Variants in TRAPPC13 observed in about 807,000 individuals in gnomAD.
TRAPPC13 encodes REV7-interacting novel NHEJ regulator 1.
In TRAPPC13, 39 loss-of-function variants were observed where a neutral mutation model predicts 54.0. The observed-to-expected ratio is 0.72, with a 90% CI of 0.56 to 0.94. TRAPPC13 has a LOEUF of 0.94. Ranked by LOEUF, TRAPPC13 falls within the 40% of genes least tolerant of loss-of-function variation. The pLI, the probability that TRAPPC13 is intolerant of heterozygous loss-of-function variation, is 0.00. For synonymous variants in TRAPPC13, 148 were observed against 167.7 expected, an observed-to-expected ratio of 0.88 and a Z score of 0.91; for missense variants, 386 against 488.1, an observed-to-expected ratio of 0.79 and a Z score of 1.97.
In TRAPPC13 at chr5:65,665,023, CA is replaced by C. The variant is rs34375720; in HGVS notation, c.*414del. The C allele has an allele frequency of 0.62, 116,303 of 187,220 alleles. 36,577 individuals are homozygous for C. Among genetic ancestry groups the C allele is most frequent in the South Asian group, 0.66 (6,939 of 10,516 alleles). 11.6% of individuals were successfully genotyped at this position (187,220 alleles called of 1,614,324 possible). On this transcript the variant is annotated 3_prime_UTR_variant, in exon 13 of 13. Transcript: ENST00000399438. ...AATACTGAACTCTGCCATCGTACTT[CA>C]AGAGCAGCCAGTAGGCAAAAAAAGT... is the stretch of plus-strand genomic sequence containing the variant.
intron 1 of TRAPPC13, among the ~76,000 whole-genome samples, chr5:65,626,487 C>G (rs570238391): frequency 1.3e-4 from 19 of 151,950 alleles, no homozygotes; most frequent in African/African-American, 4.3e-4. Flanking sequence ...CCCTGTAATC[C>G]CAGCAGTTTG....
At chr5:65,656,637 G>A (rs1287081658) in intron 8 of TRAPPC13, among the ~76,000 whole-genome samples, 3 of 152,116 alleles carry the variant, frequency 2.0e-5, no homozygotes, top group African/African-American at 7.2e-5. Flanking sequence ...GCCAGGCGCG[G>A]TGGCTCATGC....
chr5:65,661,919 C>G lies in TRAPPC13; in HGVS notation c.898-131C>G, dbSNP rs985920731. ...AAAATGAGAGACAAGTAAAGTGAAT[C>G]AGAAGTATTTTCTTAGAACATCAGC... On this transcript the variant is annotated intron_variant, in intron 10 of 12. Coordinates refer to ENST00000399438, the MANE Select transcript of TRAPPC13 (RefSeq NM_024941.4). The G allele has an allele frequency of 1.8e-5, 10 of 560,560 alleles. No individual in the cohort carries two copies. In the Admixed American group the frequency reaches 3.2e-4, roughly 18 times the overall value. The allele number at this position is 560,560 out of a possible 1,614,324, so 34.7% of individuals were successfully genotyped here.
In TRAPPC13 at chr5:65,660,683, T is replaced by A; in HGVS notation, c.699-16T>A. On this transcript the variant is annotated splice_polypyrimidine_tract_variant and intron_variant, in intron 9 of 12. Coordinates refer to ENST00000399438, the MANE Select transcript of TRAPPC13 (RefSeq NM_024941.4). ...TGCTAGAGAATTTTCTCCGTCTCTGTCTCCACCCCTCTCAGTGTGTCTACG... is the reference window on the plus strand; with the variant it reads ...TGCTAGAGAATTTTCTCCGTCTCTGACTCCACCCCTCTCAGTGTGTCTACG... 1 of 1,561,186 alleles carries A rather than the reference T, an allele frequency of 6.4e-7. No individual in the cohort carries two copies. Among genetic ancestry groups the A allele is most frequent in the Non-Finnish European group, 8.6e-7 (1 of 1,156,262 alleles).
At position 65,651,498 on chromosome 5, in the gene TRAPPC13, T is replaced by G. The variant is rs1445220951; in HGVS notation, c.501+616T>G. Reference sequence around the variant, plus strand: ...AATAATATCAAATTTCTAAAGAAATTTAAAGGAGAGACAATTGACTTAGAG... The same window carrying G: ...AATAATATCAAATTTCTAAAGAAATGTAAAGGAGAGACAATTGACTTAGAG... On this transcript the variant is annotated intron_variant, in intron 6 of 12. Coordinates refer to ENST00000399438, the MANE Select transcript of TRAPPC13 (RefSeq NM_024941.4). Among the ~76,000 whole-genome samples the G allele has an allele frequency of 2.6e-5, 4 of 152,302 alleles. No individual in the cohort carries two copies. In the East Asian group the frequency reaches 7.7e-4, roughly 29 times the overall value.
chr5:65,633,412 C>T (rs1009067718), intron 1 of TRAPPC13, among the ~76,000 whole-genome samples: 1 of 152,092 alleles, frequency 6.6e-6, no homozygotes. Flanking sequence ...CTGCGAGTAG[C>T]TGGGACTACA....
intron 7 of TRAPPC13, 142 bp from the exon 8 acceptor site, chr5:65,655,494 C>T: frequency 3.7e-6 from 1 of 270,504 alleles, no homozygotes; most frequent in Non-Finnish European, 6.9e-6. Flanking sequence ...TATGTTGCTT[C>T]CTGTTTACTT....
chr5:65,663,153 AAG>A (rs1362124272), intron 11 of TRAPPC13: 7 of 151,550 alleles, frequency 4.6e-5, no homozygotes, highest in Non-Finnish European at 1.0e-4. Context: ...TTTTTTTTTT[AAG>A]TTTTTTCAGC....
Position 65,666,093 on chromosome 5 carries a change from A to G in TRAPPC13, c.*1482A>G, listed in dbSNP as rs537255072. On this transcript the variant is annotated 3_prime_UTR_variant, in exon 13 of 13. Transcript: ENST00000399438. ...AATTGAAGTCTGTCTTTGTTTCAAA[A>G]TGATTAAGATTAAATGATGAAATAA... The G allele has an allele frequency of 6.5e-6, 1 of 152,746 alleles. No homozygotes were observed. The highest frequency in any genetic ancestry group is 1.9e-4 in the East Asian group (1 of 5,190). The allele number at this position is 152,746 out of a possible 1,614,324, so 9.5% of individuals were successfully genotyped here. A position where few individuals can be genotyped will look rare whatever the true frequency, so the allele number is the denominator to read the frequency against.
At chr5:65,633,455 T>A (rs1755623720) in intron 1 of TRAPPC13, among the ~76,000 whole-genome samples, 1 of 152,026 alleles carries the variant, frequency 6.6e-6, no homozygotes, top group Non-Finnish European at 1.5e-5. Flanking sequence ...TAATTTTTTT[T>A]ATTTTTAGTA....
intron 1 of TRAPPC13, chr5:65,630,032 T>C: frequency 6.5e-7 from 1 of 1,536,054 alleles, no homozygotes; most frequent in Non-Finnish European, 8.7e-7. Flanking sequence ...TTCTCCTTTG[T>C]CTAAAAAATT....
At chr5:65,633,823 G>A (rs1181030773) in intron 1 of TRAPPC13, among the ~76,000 whole-genome samples, 2 of 151,206 alleles carry the variant, frequency 1.3e-5, no homozygotes, top group Non-Finnish European at 2.9e-5. Context: ...TATTTAAAGT[G>A]AATTTTTTAG....
At chr5:65,652,369 C>G in intron 6 of TRAPPC13, 132 bp from the exon 7 acceptor site, 1 of 304,798 alleles carries the variant, frequency 3.3e-6, no homozygotes, top group Admixed American at 6.4e-5. Flanking sequence ...AAGAATATTG[C>G]ATACCTATTA....
At chr5:65,628,239 G>C (rs1207108676) in intron 1 of TRAPPC13, among the ~76,000 whole-genome samples, 1 of 152,112 alleles carries the variant, frequency 6.6e-6, no homozygotes, top group Non-Finnish European at 1.5e-5. Context: ...TAGACTTCTT[G>C]TTCTCTTCCA....
intron 9 of TRAPPC13, among the ~76,000 whole-genome samples, chr5:65,658,710 AT>A (rs1756742285): frequency 6.0e-5 from 9 of 149,982 alleles, no homozygotes; most frequent in African/African-American, 2.2e-4. Flanking sequence ...TTTTTATTTT[AT>A]TTTTATTTTT....
chr5:65,657,088 G>A (rs1043287217), intron 8 of TRAPPC13, among the ~76,000 whole-genome samples: 1 of 150,170 alleles, frequency 6.7e-6, no homozygotes, highest in Non-Finnish European at 1.5e-5. Flanking sequence ...TGGGGGTTGG[G>A]GGAAGCTCAT....
At chr5:65,646,239 A>G (rs753658029) in intron 4 of TRAPPC13, among the ~76,000 whole-genome samples, 3 of 152,172 alleles carry the variant, frequency 2.0e-5, no homozygotes, top group Non-Finnish European at 4.4e-5. Flanking sequence ...AAAAAGAAAT[A>G]TAATGGAGCA....
At chr5:65,653,814 G>T (rs1756559642) in intron 7 of TRAPPC13, among the ~76,000 whole-genome samples, 1 of 152,152 alleles carries the variant, frequency 6.6e-6, no homozygotes, top group African/African-American at 2.4e-5. Flanking sequence ...CAAAGTTGAT[G>T]TTTCTTTTGT....
intron 7 of TRAPPC13, among the ~76,000 whole-genome samples, chr5:65,653,979 A>T (rs181999483): frequency 6.6e-6 from 1 of 152,238 alleles, no homozygotes; most frequent in East Asian, 1.9e-4. Context: ...ATGAGGGGAA[A>T]ATGTTAACTA....
Sources: allele counts gnomAD v4.1 joint callset (sites outside exome capture counted in the v4.1 genomes callset), GRCh38; gene constraint gnomAD v4.1.1; transcripts MANE v1.5; gene names NCBI Gene and HGNC (gene_info 2026-07-23, HGNC 2026-07-21).